ZNF560: variants seen among roughly 807,000 people sequenced by gnomAD.
ZNF560 encodes zinc finger protein 560.
ZNF560 carries 54 observed loss-of-function variants against 81.8 expected under a neutral mutation model. The ratio of observed to expected loss-of-function variants is 0.66; its 90% CI spans 0.53 to 0.83. The LOEUF (loss-of-function observed/expected upper bound fraction) is 0.83, where lower values mean the gene tolerates loss of function less well. Among genes scored for constraint, ZNF560 ranks in the 40% least tolerant of loss-of-function variants. The pLI, the probability that ZNF560 is intolerant of heterozygous loss-of-function variation, is 0.00. For missense variants in ZNF560, 940 were observed against 932.4 expected (o/e 1.01, Z -0.11); for synonymous variants, 321 against 317.9 (o/e 1.01, Z -0.10).
At chr19:9,477,228 T>C (rs2073216613) in intron 2 of ZNF560, among the ~76,000 whole-genome samples, 1 of 152,118 alleles carries the variant, frequency 6.6e-6, no homozygotes, top group Non-Finnish European at 1.5e-5. Flanking sequence ...TACATATATA[T>C]ATGCTCACTT....
chr19:9,460,473 A>AC, the ZNF560 span, among the ~76,000 whole-genome samples: 389 of 151,980 alleles, frequency 2.6e-3, 2 homozygotes, highest in African/African-American at 9.1e-3. Context: ...ACTTGGCTGG[A>AC]CCCCCCAGTG....
intron 2 of ZNF560, among the ~76,000 whole-genome samples, chr19:9,483,401 G>C (rs907325002): frequency 4.0e-5 from 6 of 151,448 alleles, no homozygotes; most frequent in Non-Finnish European, 8.8e-5. Context: ...CGCCCCGTCT[G>C]AGAAGTGAGG....
downstream of ZNF560, among the ~76,000 whole-genome samples, chr19:9,465,303 G>A (rs534672928): frequency 6.6e-6 from 1 of 152,000 alleles, no homozygotes; most frequent in Admixed American, 6.6e-5. Flanking sequence ...GCTAATTTTT[G>A]TATTTTTAGT....
At position 9,467,939 on chromosome 19, in the gene ZNF560, A is replaced by T. The variant is rs772079472; in HGVS notation, c.1008T>A (p.Ala336=). 9 of 1,614,186 alleles carry T rather than the reference A, an allele frequency of 5.6e-6. No homozygotes were observed. Among genetic ancestry groups the T allele is most frequent in the Non-Finnish European group, 7.6e-6 (9 of 1,180,022 alleles). ...TAATAATGTGTGTTTCAACATTTAC[A>T]GCATGGCTTGTGGAGTGAGTAAATG... ...GEAFTHSTSH[A]VNVETHIIKN... Residue 336 remains alanine, a synonymous_variant, in exon 10 of 10, where the codon GCT becomes GCA. Transcript: ENST00000301480.
At chr19:9,500,481 G>C (rs998691041), upstream of ZNF560, among the ~76,000 whole-genome samples, 3 of 151,948 alleles carry the variant, frequency 2.0e-5, no homozygotes, top group African/African-American at 7.3e-5. Flanking sequence ...CTGGTCTTAG[G>C]GAGAATTTTC....
At chr19:9,446,348 C>T in the ZNF560 span, among the ~76,000 whole-genome samples, 2 of 147,168 alleles carry the variant, frequency 1.4e-5, no homozygotes, top group Non-Finnish European at 3.0e-5. Flanking sequence ...TAAACCAGAA[C>T]CAATTTTGCC....
chr19:9,449,960 G>A, the ZNF560 span, among the ~76,000 whole-genome samples: 1 of 75,224 alleles, frequency 1.3e-5, no homozygotes, highest in Non-Finnish European at 2.3e-5. Flanking sequence ...GACAACAAGA[G>A]CAAAACTCTG....
intron 2 of ZNF560, among the ~76,000 whole-genome samples, chr19:9,486,104 T>C (rs2073380466): frequency 6.6e-6 from 1 of 152,172 alleles, no homozygotes; most frequent in Non-Finnish European, 1.5e-5. Context: ...GGGTCCCTTC[T>C]TCAAATCACA....
the ZNF560 span, among the ~76,000 whole-genome samples, chr19:9,459,455 G>C: frequency 1.3e-5 from 2 of 152,154 alleles, no homozygotes; most frequent in South Asian, 4.1e-4. Context: ...CAGCCAATTT[G>C]GGTGCCATTG....
chr19:9,467,452 A>C lies in ZNF560; in HGVS notation c.1495T>G (p.Ser499Ala). ...AAATGAGCAAAAAGAGATGAGAAAG[A>C]AACAAAGACTTTCCCACACTGGTCA... Reference protein sequence around the residue: ...DCDQCGKVFVSFSSLFAHLRT... With the variant: ...DCDQCGKVFVAFSSLFAHLRT... Residue 499 changes from serine to alanine, a missense_variant, in exon 10 of 10, where the codon TCT becomes GCT. Physicochemically the swap from Ser to Ala is moderately conservative, Grantham distance 99 (BLOSUM62 1). Transcript: ENST00000301480. 6.2e-7 allele frequency: 1 copy of C among 1,613,868 alleles called. No individual in the cohort carries two copies. Among genetic ancestry groups the C allele is most frequent in the South Asian group, 1.1e-5 (1 of 91,048 alleles).
downstream of ZNF560, among the ~76,000 whole-genome samples, chr19:9,463,237 T>C (rs964700646): frequency 1.3e-5 from 2 of 152,132 alleles, no homozygotes; most frequent in Non-Finnish European, 2.9e-5. Flanking sequence ...TGATTTTATA[T>C]AAACAATCAG....
chr19:9,489,289 G>A (rs932947130), intron 2 of ZNF560, among the ~76,000 whole-genome samples: 14 of 151,996 alleles, frequency 9.2e-5, no homozygotes, highest in East Asian at 7.8e-4. Context: ...ACAGTGCGGC[G>A]GCCGGTTAGA....
the ZNF560 span, among the ~76,000 whole-genome samples, chr19:9,504,800 G>T: frequency 4.6e-5 from 7 of 152,008 alleles, no homozygotes; most frequent in Non-Finnish European, 8.8e-5. Context: ...AAGAGACAGA[G>T]TCTCGGCTGG....
rs760845758 is a variant in ZNF560, at chr19:9,469,172, A to G, written c.545T>C (p.Leu182Pro). The G allele has an allele frequency of 3.1e-6, 5 of 1,594,390 alleles. No homozygotes were observed. The South Asian group carries it at 4.6e-5, about 15-fold the overall frequency. Reference sequence around the variant, plus strand: ...CCAAAGGGCTGGCCCTTTGGTTTTCAGGCACATTTTCCATTCTGAAATAAA... The same window carrying G: ...CCAAAGGGCTGGCCCTTTGGTTTTCGGGCACATTTTCCATTCTGAAATAAA... ...PRVLQEWKMC[L>P]KTKGPALWQD... The change falls in exon 9 of 10, where the codon CTG becomes CCG. Residue 182 changes from leucine to proline, a missense_variant. Physicochemically the swap from Leu to Pro is moderately conservative, Grantham distance 98. Coordinates refer to ENST00000301480, the MANE Select transcript of ZNF560 (RefSeq NM_152476.3).
At chr19:9,477,020 T>C (rs1046018122) in intron 2 of ZNF560, among the ~76,000 whole-genome samples, 1 of 152,148 alleles carries the variant, frequency 6.6e-6, no homozygotes, top group African/African-American at 2.4e-5. Context: ...ACATCAATCA[T>C]TAATCAACAA....
rs1416567786 is a variant in ZNF560 at position 9,467,390 on chromosome 19, G to A, written c.1557C>T (p.Tyr519=). ...AAGAGGTAAATGGTTTCCCACATTT[G>A]TAACACTTAAAGGGCTTCTCACCAG... ...THTGEKPFKC[Y]KCGKPFTSSA... is the part of the protein sequence containing the mutation. Residue 519 remains tyrosine (Y), a synonymous_variant, in exon 10 of 10, where the codon TAC becomes TAT. Transcript: ENST00000301480. 1 of 1,614,044 alleles carries A rather than the reference G, an allele frequency of 6.2e-7. No homozygotes were observed. Among genetic ancestry groups the A allele is most frequent in the Non-Finnish European group, 8.5e-7 (1 of 1,180,000 alleles).
At chr19:9,486,101 T>A (rs538976102) in intron 2 of ZNF560, among the ~76,000 whole-genome samples, 1 of 152,178 alleles carries the variant, frequency 6.6e-6, no homozygotes, top group Non-Finnish European at 1.5e-5. Flanking sequence ...CCAGGGTCCC[T>A]TCTTCAAATC....
the ZNF560 span, among the ~76,000 whole-genome samples, chr19:9,450,943 G>C: frequency 1.3e-5 from 2 of 152,278 alleles, no homozygotes; most frequent in East Asian, 1.9e-4. Context: ...GGAGGTTAAA[G>C]TTTCTGCAAG....
At chr19:9,495,105 A>T (rs2073536959) in intron 2 of ZNF560, among the ~76,000 whole-genome samples, 1 of 152,120 alleles carries the variant, frequency 6.6e-6, no homozygotes, top group South Asian at 2.1e-4. Context: ...GCACCACCGC[A>T]CTCTAGCCAG....
Sources: allele counts gnomAD v4.1 joint callset (sites outside exome capture counted in the v4.1 genomes callset), GRCh38; gene constraint gnomAD v4.1.1; transcripts MANE v1.5; gene names NCBI Gene and HGNC (gene_info 2026-07-23, HGNC 2026-07-21).